Variants in ANKRD36C observed in about 807,000 individuals in gnomAD.
ANKRD36C encodes ankyrin repeat domain-containing protein 36C.
Under a neutral mutation model 276.4 loss-of-function variants are expected in ANKRD36C, and 61 were observed. The observed-to-expected ratio is 0.22, with a 90% CI of 0.18 to 0.27. The LOEUF (loss-of-function observed/expected upper bound fraction) is 0.27, where lower values mean the gene tolerates loss of function less well. ANKRD36C is among the 10% of genes least tolerant of loss of function. The pLI is 1.00. For synonymous variants in ANKRD36C, 483 were observed against 680.1 expected (o/e 0.71, Z 4.51); for missense variants, 1,447 against 2,032.3 (o/e 0.71, Z 5.54).
intron 24 of ANKRD36C, among the ~76,000 whole-genome samples, chr2:95,934,941 C>A (rs1173342157): frequency 2.0e-5 from 3 of 152,140 alleles, no homozygotes; most frequent in African/African-American, 7.3e-5. Context: ...GTATCACACA[C>A]ACCCAAACTC....
chr2:95,944,877 A>G (rs1226176497), intron 18 of ANKRD36C, among the ~76,000 whole-genome samples, 183 bp from the exon 19 acceptor site: 2 of 152,300 alleles, frequency 1.3e-5, no homozygotes, highest in African/African-American at 4.8e-5. Context: ...ATCTCTACCA[A>G]AAATACAAAA....
intron 44 of ANKRD36C, among the ~76,000 whole-genome samples, chr2:95,892,114 G>A (rs1029053791): frequency 1.3e-4 from 20 of 151,472 alleles, no homozygotes; most frequent in African/African-American, 2.7e-4. Flanking sequence ...AAATAAAACC[G>A]TGTCAATATC....
intron 6 of ANKRD36C, among the ~76,000 whole-genome samples, chr2:95,963,702 T>G (rs4539829): frequency 0.031 from 3,438 of 112,032 alleles, 58 homozygotes; most frequent in African/African-American, 0.04. Context: ...TGAGTTCAGT[T>G]ATACTTAGAG....
intron 16 of ANKRD36C, among the ~76,000 whole-genome samples, chr2:95,949,856 C>T (rs1678151617): frequency 6.6e-6 from 1 of 152,310 alleles, no homozygotes; most frequent in African/African-American, 2.4e-5. Context: ...CTGATTTTGT[C>T]TATAGGAAAA....
chr2:95,883,590 C>T (rs562862971), intron 54 of ANKRD36C, among the ~76,000 whole-genome samples: 6 of 152,196 alleles, frequency 3.9e-5, no homozygotes, highest in African/African-American at 1.4e-4. Context: ...GTTCCTAAAG[C>T]AGCCAAAATC....
chr2:95,867,917 AC>A (rs1346549627), intron 59 of ANKRD36C, among the ~76,000 whole-genome samples: 1 of 152,094 alleles, frequency 6.6e-6, no homozygotes, highest in Admixed American at 6.6e-5. Flanking sequence ...TATTTAGATT[AC>A]CCCATTTTAC....
At chr2:95,940,358 T>G (rs1175896974) in intron 20 of ANKRD36C, among the ~76,000 whole-genome samples, 11 of 151,188 alleles carry the variant, frequency 7.3e-5, no homozygotes, top group Non-Finnish European at 1.0e-4. Flanking sequence ...TTGCCATGAT[T>G]ATTGACAGTT....
intron 64 of ANKRD36C, chr2:95,853,395 C>T (rs1675335743): frequency 9.8e-6 from 2 of 204,408 alleles, no homozygotes; most frequent in East Asian, 2.8e-4. Context: ...GAAAAAAACT[C>T]TCTCAATTTC....
In ANKRD36C at chr2:95,962,993, T is replaced by C. The variant is rs557863284; in HGVS notation, c.800-446A>G. ...TCATCATGCTCTTTAACTTGCCTGA[T>C]AACTGAGAAGGTACACAATTATGAT... On this transcript the variant is annotated intron_variant, in intron 6 of 66. Transcript: ENST00000456556. 3.9e-5 allele frequency among the ~76,000 whole-genome samples: 6 copies of C among 152,206 alleles called. No individual in the cohort carries two copies. In the South Asian group the frequency reaches 1.0e-3, roughly 26 times the overall value.
At chr2:95,966,880 C>A (rs974886904) in intron 6 of ANKRD36C, among the ~76,000 whole-genome samples, 1 of 152,042 alleles carries the variant, frequency 6.6e-6, no homozygotes, top group African/African-American at 2.4e-5. Context: ...TCCTTCAAAT[C>A]CCTTGTGAGT....
intron 42 of ANKRD36C, 55 bp downstream of exon 46, chr2:95,910,318 A>C (rs949507921): frequency 1.3e-5 from 20 of 1,491,464 alleles, no homozygotes; most frequent in Admixed American, 4.3e-5. Flanking sequence ...TTTGGAGAAG[A>C]GAACTTCTTA....
At chr2:95,875,844 T>C (rs1238634588) in intron 59 of ANKRD36C, 5 of 176,410 alleles carry the variant, frequency 2.8e-5, no homozygotes, top group African/African-American at 1.2e-4. Context: ...AGAGATTTTC[T>C]ATATTGAAAT....
At chr2:95,878,672 A>C (rs1676007813) in intron 58 of ANKRD36C, among the ~76,000 whole-genome samples, 1 of 152,246 alleles carries the variant, frequency 6.6e-6, no homozygotes, top group Non-Finnish European at 1.5e-5. Flanking sequence ...GTTATGTTTC[A>C]AACTGCTATC....
chr2:95,930,576 T>C (rs1342546955), intron 24 of ANKRD36C, among the ~76,000 whole-genome samples: 1 of 151,406 alleles, frequency 6.6e-6, no homozygotes, highest in Admixed American at 6.6e-5. Context: ...CAGATTCCTA[T>C]GAAAATAAAC....
chr2:95,890,881 T>G (rs1261956926), intron 46 of ANKRD36C, among the ~76,000 whole-genome samples: 2 of 151,646 alleles, frequency 1.3e-5, no homozygotes, highest in South Asian at 4.1e-4. Flanking sequence ...AGAAGTTTCA[T>G]GAAATAGCTA....
chr2:95,961,508 T>C (rs529264161), intron 8 of ANKRD36C, among the ~76,000 whole-genome samples: 6 of 128,480 alleles, frequency 4.7e-5, no homozygotes, highest in East Asian at 2.4e-4. Context: ...TTCAACATTA[T>C]TTTTCTTTCT....
chr2:95,922,966 G>C (rs904821830), intron 32 of ANKRD36C, among the ~76,000 whole-genome samples: 6 of 151,570 alleles, frequency 4.0e-5, no homozygotes, highest in African/African-American at 7.3e-5. Context: ...GTTCACTCAG[G>C]TTTCCTCAGC....
exon 13 of ANKRD36C, chr2:95,956,795 C>T: frequency 1.3e-6 from 2 of 1,533,890 alleles, no homozygotes; most frequent in Non-Finnish European, 1.7e-6. Flanking sequence ...CCTGTTTAAA[C>T]ACTGTTCAAC....
chr2:95,854,951 A>G (rs1052630297), intron 63 of ANKRD36C, among the ~76,000 whole-genome samples: 6 of 152,146 alleles, frequency 3.9e-5, no homozygotes, highest in Admixed American at 3.9e-4. Context: ...CTGATTTATC[A>G]TGGTCTTAAA....
Sources: gnomAD v4.1 joint callset for allele counts (sites outside exome capture counted in the v4.1 genomes callset) on GRCh38, gnomAD v4.1.1 for gene constraint, MANE v1.5 for transcripts, NCBI Gene and HGNC (gene_info 2026-07-23, HGNC 2026-07-21) for gene names.